The following CDK14 variants were observed in gnomAD, a reference collection of about 807,000 sequenced individuals.
CDK14 encodes the protein cyclin dependent kinase 14.
In CDK14, 34 loss-of-function variants were observed where a neutral mutation model predicts 60.7. That is an observed-to-expected ratio of 0.56 (90% CI 0.43 to 0.75). CDK14 has a LOEUF of 0.75. CDK14 is among the 30% of genes least tolerant of loss of function. The pLI, the probability that CDK14 is intolerant of heterozygous loss-of-function variation, is 0.00. For synonymous variants in CDK14, 197 were observed against 203.7 expected, an observed-to-expected ratio of 0.97 and a Z score of 0.28; for missense variants, 482 against 564.1, an observed-to-expected ratio of 0.85 and a Z score of 1.47.
intron 10 of CDK14, among the ~76,000 whole-genome samples, chr7:91,030,498 G>T (rs1455885846): frequency 6.6e-6 from 1 of 152,108 alleles, no homozygotes; most frequent in Non-Finnish European, 1.5e-5. Flanking sequence ...ACACAGAGGA[G>T]GTGGCACCTC....
chr7:90,915,713 T>C (rs1040547746), intron 7 of CDK14, among the ~76,000 whole-genome samples: 2 of 152,200 alleles, frequency 1.3e-5, no homozygotes, highest in Non-Finnish European at 2.9e-5. Context: ...GGAATCAGAC[T>C]CTCTGGGTTT....
At position 90,748,485 on chromosome 7, in the gene CDK14, G is replaced by A. The variant is rs572152123; in HGVS notation, c.464+710G>A. On this transcript the variant is annotated intron_variant, in intron 4 of 14. Transcript: ENST00000380050. The stretch of plus-strand genomic sequence containing the variant: ...TGCAATCTCTGCAACAACCACAGAA[G>A]TCACAAGCTTTGTTTTACCTTTATA... 2.0e-5 allele frequency among the ~76,000 whole-genome samples: 3 copies of A among 152,322 alleles called. No individual in the cohort carries two copies. In the South Asian group the frequency reaches 6.2e-4, roughly 32 times the overall value.
At chr7:91,187,618 G>A (rs1386349630) in intron 14 of CDK14, among the ~76,000 whole-genome samples, 1 of 152,176 alleles carries the variant, frequency 6.6e-6, no homozygotes. Flanking sequence ...CACGAGGAGT[G>A]AGTTTAGGAG....
chr7:90,750,681 T>A (rs1296555398), intron 4 of CDK14, among the ~76,000 whole-genome samples: 1 of 152,120 alleles, frequency 6.6e-6, no homozygotes, highest in South Asian at 2.1e-4. Flanking sequence ...GAAACCAGCC[T>A]GGCCAATATG....
intron 10 of CDK14, among the ~76,000 whole-genome samples, chr7:91,034,885 G>A (rs1796869408): frequency 6.7e-6 from 1 of 150,286 alleles, no homozygotes; most frequent in Non-Finnish European, 1.5e-5. Context: ...TGGAAGAAAG[G>A]AACTATATAT....
chr7:90,929,485 C>G (rs1324382840), intron 8 of CDK14, among the ~76,000 whole-genome samples: 1 of 152,154 alleles, frequency 6.6e-6, no homozygotes, highest in African/African-American at 2.4e-5. Context: ...ATGTTAACAA[C>G]TTTTTGTTGT....
chr7:91,190,110 G>A (rs1389675391), intron 14 of CDK14, among the ~76,000 whole-genome samples: 1 of 152,218 alleles, frequency 6.6e-6, no homozygotes, highest in African/African-American at 2.4e-5. Context: ...ACTAGGTTTT[G>A]TGCTTGCTGG....
intron 8 of CDK14, among the ~76,000 whole-genome samples, chr7:90,942,987 TA>T (rs1206732938): frequency 3.3e-5 from 5 of 151,964 alleles, no homozygotes; most frequent in Non-Finnish European, 7.4e-5. Flanking sequence ...GGTTTTTTTT[TA>T]AAAAAAACTG....
chr7:90,843,306 C>T (rs1343055372), intron 5 of CDK14, among the ~76,000 whole-genome samples: 3 of 152,060 alleles, frequency 2.0e-5, no homozygotes, highest in Non-Finnish European at 4.4e-5. Context: ...ACTTGTCACA[C>T]AAGAAATGCA....
At chr7:91,186,659 C>T (rs1486333819) in intron 14 of CDK14, among the ~76,000 whole-genome samples, 1 of 152,136 alleles carries the variant, frequency 6.6e-6, no homozygotes, top group Non-Finnish European at 1.5e-5. Context: ...GGTTAATTTT[C>T]TTCACCAGCA....
chr7:90,720,258 G>A (rs1427935306), intron 2 of CDK14, among the ~76,000 whole-genome samples: 2 of 152,182 alleles, frequency 1.3e-5, no homozygotes, highest in African/African-American at 4.8e-5. Context: ...TGGTCCGAGT[G>A]GGTGGGATTT....
chr7:90,604,477 A>G (rs1057006478), intron 2 of CDK14, among the ~76,000 whole-genome samples: 1 of 152,252 alleles, frequency 6.6e-6, no homozygotes, highest in African/African-American at 2.4e-5. Flanking sequence ...TGAGCTAATT[A>G]GAAGACACAT....
At chr7:90,641,163 G>A (rs1488029829) in intron 2 of CDK14, among the ~76,000 whole-genome samples, 1 of 151,802 alleles carries the variant, frequency 6.6e-6, no homozygotes, top group African/African-American at 2.4e-5. Flanking sequence ...TGAATAATTG[G>A]AACTCTCATA....
intron 5 of CDK14, among the ~76,000 whole-genome samples, chr7:90,851,532 G>T (rs1253345194): frequency 6.6e-6 from 1 of 152,148 alleles, no homozygotes; most frequent in Non-Finnish European, 1.5e-5. Context: ...GGTTGTATGA[G>T]CAGGAGCTAT....
chr7:90,607,900 T>G (rs1799451965), intron 2 of CDK14, among the ~76,000 whole-genome samples: 1 of 152,226 alleles, frequency 6.6e-6, no homozygotes, highest in Non-Finnish European at 1.5e-5. Context: ...AAGTAAAATT[T>G]TATTAGTTTC....
intron 11 of CDK14, 23 bp downstream of exon 11, chr7:91,045,983 G>A (rs1797220914): frequency 6.7e-7 from 1 of 1,482,370 alleles, no homozygotes; most frequent in South Asian, 1.1e-5. Flanking sequence ...AATTACAGAT[G>A]ACTAGGTGCT....
rs936081360 is a variant in CDK14 at position 90,747,792 on chromosome 7, T to G, written c.464+17T>G. 6 of 1,444,342 alleles carry G rather than the reference T, an allele frequency of 4.2e-6. No homozygotes were observed. In the Middle Eastern group the frequency reaches 5.2e-4, roughly 126 times the overall value. 89.5% of individuals were successfully genotyped at this position (1,444,342 alleles called of 1,614,324 possible). ...GAAAAGCAAGTAAGTTCATTATTTT[T>G]GGAATATTTCACATGTACAGTGTAT... On this transcript the variant is annotated intron_variant, in intron 4 of 14. Transcript: ENST00000380050.
chr7:90,893,018 T>A (rs1292794601), intron 6 of CDK14, among the ~76,000 whole-genome samples: 1 of 152,182 alleles, frequency 6.6e-6, no homozygotes, highest in Admixed American at 6.5e-5. Context: ...GACCTCGTGA[T>A]CTGCCTGCCT....
intron 12 of CDK14, among the ~76,000 whole-genome samples, chr7:91,108,430 G>A (rs994573493): frequency 6.6e-6 from 1 of 152,200 alleles, no homozygotes; most frequent in African/African-American, 2.4e-5. Flanking sequence ...TCACATTCTT[G>A]AATCTTATCA....
Sources: allele counts gnomAD v4.1 joint callset (sites outside exome capture counted in the v4.1 genomes callset), GRCh38; gene constraint gnomAD v4.1.1; transcripts MANE v1.5; gene names NCBI Gene and HGNC (gene_info 2026-07-23, HGNC 2026-07-21).